RARB: variants seen among roughly 807,000 people sequenced by gnomAD.
RARB encodes the protein HBV-activated protein.
A neutral mutation model predicts 51.9 loss-of-function variants in RARB; 17 were observed. The ratio of observed to expected loss-of-function variants is 0.33; its 90% CI spans 0.22 to 0.49. The LOEUF is 0.49. RARB is among the 20% of genes least tolerant of loss of function. The pLI, the probability that RARB is intolerant of heterozygous loss-of-function variation, is 0.99. For missense variants in RARB, 369 were observed against 550.8 expected (o/e 0.67, Z 3.30); for synonymous variants, 215 against 195.4 (o/e 1.10, Z -0.84).
At chr3:24,968,172 G>A (rs1481819689) in intron 2 of RARB, among the ~76,000 whole-genome samples, 1 of 152,216 alleles carries the variant, frequency 6.6e-6, no homozygotes, top group East Asian at 1.9e-4. Flanking sequence ...CAGTAAAGTA[G>A]GCAATTAAGC....
chr3:24,909,667 A>G (rs1199510000), intron 2 of RARB, among the ~76,000 whole-genome samples: 5 of 147,750 alleles, frequency 3.4e-5, no homozygotes, highest in Non-Finnish European at 3.0e-5. Context: ...TAGTCCTTCT[A>G]TATGTCAGTT....
chr3:24,884,728 G>A (rs1378341808), intron 2 of RARB, among the ~76,000 whole-genome samples: 1 of 152,034 alleles, frequency 6.6e-6, no homozygotes, highest in Non-Finnish European at 1.5e-5. Context: ...CCATTGAGTG[G>A]AATCTCATGT....
At chr3:24,913,310 T>G (rs532963347) in intron 2 of RARB, among the ~76,000 whole-genome samples, 1 of 151,566 alleles carries the variant, frequency 6.6e-6, no homozygotes, top group Non-Finnish European at 1.5e-5. Flanking sequence ...TAACAGAGGG[T>G]TTTCCCACTG....
At chr3:25,020,239 A>G (rs1697604650) in intron 2 of RARB, 1 of 151,870 alleles carries the variant, frequency 6.6e-6, no homozygotes, top group Non-Finnish European at 1.5e-5. Context: ...ACTGCTGATC[A>G]GCACATGAGT....
chr3:25,461,202 C>T lies in RARB; in HGVS notation c.167C>T (p.Thr56Ile). The change falls in exon 2 of 8, where the codon ACA (threonine) becomes ATA (isoleucine). Residue 56 changes from threonine (T) to isoleucine (I), a missense_variant. Thr to Ile is a moderately conservative substitution (Grantham distance 89, BLOSUM62 -1). This residue lies in a region of RARB where 99 missense variants were observed against 95.1 expected (regional missense o/e 1.04). Transcript: ENST00000330688. ...QHRHTAQSIE[T>I]QSTSSEELVP... Reference sequence around the variant, plus strand: ...CCCATCTCTATTATAGCAATTGAAACACAGAGCACCAGCTCTGAGGAACTC... The same window carrying T: ...CCCATCTCTATTATAGCAATTGAAATACAGAGCACCAGCTCTGAGGAACTC... 6.2e-7 allele frequency: 1 copy of T among 1,609,484 alleles called. No homozygotes were observed. Among genetic ancestry groups the T allele is most frequent in the Non-Finnish European group, 8.5e-7 (1 of 1,178,266 alleles).
chr3:25,365,161 T>C (rs1706073795), intron 5 of RARB, among the ~76,000 whole-genome samples: 1 of 150,568 alleles, frequency 6.6e-6, no homozygotes, highest in South Asian at 2.1e-4. Context: ...CTGTGTACCA[T>C]GCAAAAGGTA....
chr3:25,071,271 T>C (rs1435844543), intron 3 of RARB, among the ~76,000 whole-genome samples: 3 of 152,186 alleles, frequency 2.0e-5, no homozygotes, highest in African/African-American at 7.2e-5. Flanking sequence ...ACCCAAATCA[T>C]ACCAGGGAAG....
chr3:25,429,819 T>C (rs967522997), intron 1 of RARB, among the ~76,000 whole-genome samples: 2 of 152,234 alleles, frequency 1.3e-5, no homozygotes, highest in African/African-American at 4.8e-5. Flanking sequence ...TGCAGGATGC[T>C]TCGCCGCCCT....
intron 5 of RARB, among the ~76,000 whole-genome samples, chr3:25,390,029 G>A (rs1404830898): frequency 1.3e-5 from 2 of 152,082 alleles, no homozygotes; most frequent in Admixed American, 6.6e-5. Flanking sequence ...AATTTGAAGG[G>A]GCTGAGGTTA....
At chr3:25,087,772 A>G (rs1699128822) in intron 3 of RARB, among the ~76,000 whole-genome samples, 1 of 152,056 alleles carries the variant, frequency 6.6e-6, no homozygotes, top group Non-Finnish European at 1.5e-5. Flanking sequence ...GACAAATGTT[A>G]GATCTTAAGG....
chr3:25,237,164 CAG>C (rs1221893153), intron 5 of RARB, among the ~76,000 whole-genome samples: 4 of 151,988 alleles, frequency 2.6e-5, no homozygotes, highest in South Asian at 2.1e-4. Flanking sequence ...TATCTCAAAA[CAG>C]AGGAATTCCA....
At chr3:25,183,598 T>C (rs1433314991) in intron 5 of RARB, among the ~76,000 whole-genome samples, 2 of 152,204 alleles carry the variant, frequency 1.3e-5, no homozygotes, top group African/African-American at 4.8e-5. Context: ...CGAGGGATTA[T>C]TGGTGGCAGT....
intron 5 of RARB, among the ~76,000 whole-genome samples, chr3:25,279,739 G>A (rs560566142): frequency 6.6e-6 from 1 of 152,184 alleles, no homozygotes; most frequent in East Asian, 1.9e-4. Flanking sequence ...GGATGGTTGA[G>A]GACTAGTGAT....
At chr3:25,591,440 C>A (rs1031003847) in intron 5 of RARB, among the ~76,000 whole-genome samples, 2 of 152,142 alleles carry the variant, frequency 1.3e-5, no homozygotes, top group African/African-American at 2.4e-5. Context: ...GATTATCTAA[C>A]CTTAGAGAGG....
intron 1 of RARB, among the ~76,000 whole-genome samples, chr3:25,460,767 AC>A (rs1221701132): frequency 1.4e-4 from 22 of 152,222 alleles, no homozygotes; most frequent in African/African-American, 4.8e-4. Flanking sequence ...TAAGTGAGCA[AC>A]AAGGTCAAGT....
intron 5 of RARB, among the ~76,000 whole-genome samples, chr3:25,310,112 G>A (rs1372291189): frequency 4.6e-5 from 7 of 152,140 alleles, no homozygotes; most frequent in Admixed American, 3.3e-4. Context: ...TAGCTTCCAG[G>A]CCAACCATTT....
At chr3:25,570,858 A>C (rs1479782390) in intron 4 of RARB, among the ~76,000 whole-genome samples, 1 of 152,106 alleles carries the variant, frequency 6.6e-6, no homozygotes, top group African/African-American at 2.4e-5. Context: ...ATATTGTAGC[A>C]CTTGCTGGCT....
At chr3:25,132,013 T>A (rs1208624491) in intron 3 of RARB, among the ~76,000 whole-genome samples, 1 of 151,672 alleles carries the variant, frequency 6.6e-6, no homozygotes, top group African/African-American at 2.4e-5. Context: ...GTCTAAAGAG[T>A]GTGGCTCCAT....
At chr3:24,830,420 C>CGGGTGTGTGTGTGTGT (rs1702263790) in intron 1 of RARB, among the ~76,000 whole-genome samples, 1 of 121,400 alleles carries the variant, frequency 8.2e-6, no homozygotes, top group Non-Finnish European at 1.6e-5. Flanking sequence ...TGACAGAAGA[C>CGGGTGTGTGTGTGTGT]GTGTGTGTGT....
Sources: allele counts gnomAD v4.1 joint callset (sites outside exome capture counted in the v4.1 genomes callset), GRCh38; gene constraint gnomAD v4.1.1; regional missense constraint gnomAD v4.1.1; transcripts MANE v1.5; gene names NCBI Gene and HGNC (gene_info 2026-07-23, HGNC 2026-07-21).